The following DOK6 variants were observed in gnomAD, a reference collection of about 807,000 sequenced individuals.
The protein encoded by DOK6 is docking protein 6, also known as downstream of tyrosine kinase 6.
Under a neutral mutation model 44.0 loss-of-function variants are expected in DOK6, and 22 were observed. The observed-to-expected ratio is 0.50, with a 90% CI of 0.36 to 0.71. The LOEUF is 0.71. Ranked by LOEUF, DOK6 falls within the 30% of genes least tolerant of loss-of-function variation. The pLI is 0.00. For missense variants in DOK6, 340 were observed against 416.4 expected, an observed-to-expected ratio of 0.82 and a Z score of 1.60; for synonymous variants, 166 against 145.5, an observed-to-expected ratio of 1.14 and a Z score of -1.01.
At chr18:69,813,095 G>A (rs1201502193) in intron 7 of DOK6, among the ~76,000 whole-genome samples, 2 of 152,126 alleles carry the variant, frequency 1.3e-5, no homozygotes, top group Non-Finnish European at 2.9e-5. Flanking sequence ...CAGATAGACA[G>A]TGTCAAGACT....
At chr18:69,771,660 A>G (rs1282662215) in intron 7 of DOK6, among the ~76,000 whole-genome samples, 3 of 151,962 alleles carry the variant, frequency 2.0e-5, no homozygotes, top group Non-Finnish European at 4.4e-5. Flanking sequence ...GTACATTAGC[A>G]TCTTATTTTT....
chr18:69,726,854 A>C (rs1300605217), intron 5 of DOK6, among the ~76,000 whole-genome samples: 1 of 80,844 alleles, frequency 1.2e-5, no homozygotes, highest in Admixed American at 1.4e-4. Context: ...ATCCTTTTTA[A>C]AAAAAAAAAA....
chr18:69,689,033 T>C (rs752655107), intron 4 of DOK6, among the ~76,000 whole-genome samples: 13 of 152,142 alleles, frequency 8.5e-5, no homozygotes, highest in East Asian at 1.9e-4. Context: ...ACTCAAACTA[T>C]TGCTCATCAA....
intron 3 of DOK6, among the ~76,000 whole-genome samples, chr18:69,675,531 A>G (rs189535959): frequency 6.6e-6 from 1 of 152,374 alleles, no homozygotes; most frequent in Admixed American, 6.5e-5. Flanking sequence ...ATTTTAAAAC[A>G]TTAAAAATTT....
chr18:69,754,174 A>G (rs1016205243), intron 6 of DOK6, among the ~76,000 whole-genome samples: 1 of 152,024 alleles, frequency 6.6e-6, no homozygotes, highest in Non-Finnish European at 1.5e-5. Context: ...TTAATTAAAT[A>G]GTTAAGGATG....
intron 2 of DOK6, among the ~76,000 whole-genome samples, chr18:69,584,367 A>G (rs1983448684): frequency 6.6e-6 from 1 of 151,712 alleles, no homozygotes; most frequent in African/African-American, 2.4e-5. Context: ...ACCCACTGCA[A>G]CCTCCACCTC....
chr18:69,542,026 A>T (rs2032956892), intron 1 of DOK6, among the ~76,000 whole-genome samples: 1 of 151,606 alleles, frequency 6.6e-6, no homozygotes, highest in African/African-American at 2.4e-5. Flanking sequence ...AGTGGAAGTT[A>T]GTCTGAAAAG....
intron 3 of DOK6, among the ~76,000 whole-genome samples, chr18:69,639,393 T>C (rs2144652892): frequency 6.6e-6 from 1 of 152,302 alleles, no homozygotes; most frequent in South Asian, 2.1e-4. Context: ...ATGGAGGGAT[T>C]CTGTAGAGAG....
intron 2 of DOK6, among the ~76,000 whole-genome samples, chr18:69,593,883 C>T (rs979221386): frequency 6.6e-6 from 1 of 151,918 alleles, no homozygotes; most frequent in East Asian, 1.9e-4. Context: ...TTGTGTTTAT[C>T]TTTTTATGTA....
At chr18:69,641,129 C>T (rs1321275035) in intron 3 of DOK6, among the ~76,000 whole-genome samples, 3 of 151,528 alleles carry the variant, frequency 2.0e-5, no homozygotes, top group Non-Finnish European at 2.9e-5. Flanking sequence ...GGCAGGGTAT[C>T]GTTTGAACCT....
At chr18:69,690,530 C>T (rs1237091989) in intron 4 of DOK6, among the ~76,000 whole-genome samples, 1 of 152,042 alleles carries the variant, frequency 6.6e-6, no homozygotes, top group East Asian at 1.9e-4. Context: ...CTGCAATAAT[C>T]GTCTATTATA....
chr18:69,743,603 G>T (rs1249695644), intron 6 of DOK6, among the ~76,000 whole-genome samples: 1 of 151,802 alleles, frequency 6.6e-6, no homozygotes, highest in Non-Finnish European at 1.5e-5. Flanking sequence ...TGCCTTTTAT[G>T]TTCTAAAGCA....
At chr18:69,824,343 C>CA (rs1177628416) in intron 7 of DOK6, among the ~76,000 whole-genome samples, 29 of 78,340 alleles carry the variant, frequency 3.7e-4, no homozygotes, top group South Asian at 1.2e-3. Flanking sequence ...ATGGTTTTTA[C>CA]AAAAAAAAAA....
At chr18:69,778,265 C>T (rs1980142384) in intron 7 of DOK6, among the ~76,000 whole-genome samples, 1 of 152,048 alleles carries the variant, frequency 6.6e-6, no homozygotes, top group Non-Finnish European at 1.5e-5. Context: ...TAAAGGAAGA[C>T]CTATGGCTTA....
intron 3 of DOK6, among the ~76,000 whole-genome samples, chr18:69,637,744 T>A (rs1445545027): frequency 2.0e-5 from 3 of 152,192 alleles, no homozygotes; most frequent in Non-Finnish European, 4.4e-5. Flanking sequence ...CTCTTTTTTT[T>A]TAAACCAGCA....
intron 3 of DOK6, among the ~76,000 whole-genome samples, chr18:69,641,838 C>T (rs914463320): frequency 1.3e-5 from 2 of 151,816 alleles, no homozygotes; most frequent in Non-Finnish European, 2.9e-5. Context: ...AAAACACACA[C>T]ACAAAAAAAG....
chr18:69,791,455 G>A (rs941647329), intron 7 of DOK6, among the ~76,000 whole-genome samples: 38 of 152,158 alleles, frequency 2.5e-4, no homozygotes, highest in African/African-American at 8.7e-4. Flanking sequence ...TTTAACTGGA[G>A]TGGGATGATA....
intron 7 of DOK6, among the ~76,000 whole-genome samples, chr18:69,811,575 TATCAAA>T (rs1981237818): frequency 8.2e-5 from 1 of 12,230 alleles, no homozygotes; most frequent in African/African-American, 1.4e-4. Context: ...TATATATATA[TATCAAA>T]ACACTACGTT....
At chr18:69,702,103 A>C (rs1406602427) in intron 5 of DOK6, among the ~76,000 whole-genome samples, 1 of 151,204 alleles carries the variant, frequency 6.6e-6, no homozygotes, top group African/African-American at 2.4e-5. Flanking sequence ...TTTCTGTACT[A>C]ACCCAGAGTT....
Sources: gnomAD v4.1 joint callset for allele counts (sites outside exome capture counted in the v4.1 genomes callset) on GRCh38, gnomAD v4.1.1 for gene constraint, MANE v1.5 for transcripts, NCBI Gene and HGNC (gene_info 2026-07-23, HGNC 2026-07-21) for gene names.